The following DOCK1 variants were observed in gnomAD, a reference collection of about 807,000 sequenced individuals.
DOCK1 encodes the protein dedicator of cytokinesis 1, also known as dedicator of cytokinesis protein 1.
Under a neutral mutation model 262.7 loss-of-function variants are expected in DOCK1, and 138 were observed. That is an observed-to-expected ratio of 0.53 (90% CI 0.46 to 0.61). The LOEUF is 0.61. Ranked by LOEUF, DOCK1 falls within the 20% of genes least tolerant of loss-of-function variation. DOCK1 has a pLI of 0.00. For synonymous variants in DOCK1, 866 were observed against 867.4 expected, an observed-to-expected ratio of 1.00 and a Z score of 0.03; for missense variants, 1,908 against 2,370.7, an observed-to-expected ratio of 0.80 and a Z score of 4.05.
chr10:127,037,687 G>A (rs2043733246), intron 18 of DOCK1, 32 bp from the exon 19 acceptor site: 1 of 1,537,494 alleles, frequency 6.5e-7, no homozygotes, highest in African/African-American at 1.4e-5. Context: ...TTTCTTGCTT[G>A]TGAAGATCTG....
Position 126,905,459 on chromosome 10 carries a change from GA to G in DOCK1, c.-55del, listed in dbSNP as rs2030543232. On this transcript the variant is annotated 5_prime_UTR_variant, in exon 1 of 52. It adds an upstream start codon to the 5' untranslated region. Coordinates refer to ENST00000623213, the MANE Select transcript of DOCK1 (RefSeq NM_001290223.2). ...ATCCTGTCGCGGCTCGAAAGGAATG[GA>G]AAATGGCGGCCTAGACGCGGAGTTT... is the stretch of plus-strand genomic sequence containing the variant. 15 of 494,914 alleles carry G rather than the reference GA, an allele frequency of 3.0e-5. No individual in the cohort carries two copies. The highest frequency in any genetic ancestry group is 4.0e-5 in the East Asian group (1 of 25,126). The allele number at this position is 494,914 out of a possible 1,614,324, so 30.7% of individuals were successfully genotyped here.
At chr10:126,949,163 C>A (rs981944480) in intron 1 of DOCK1, among the ~76,000 whole-genome samples, 1 of 152,038 alleles carries the variant, frequency 6.6e-6, no homozygotes, top group African/African-American at 2.4e-5. Flanking sequence ...GTTTGCTGAT[C>A]CATCTCCATT....
intron 33 of DOCK1, among the ~76,000 whole-genome samples, chr10:127,363,430 C>T (rs2064708179): frequency 6.6e-6 from 1 of 152,074 alleles, no homozygotes; most frequent in African/African-American, 2.4e-5. Flanking sequence ...GATCACGCCA[C>T]TGCACTCCCG....
In DOCK1 at chr10:127,125,359, C is replaced by T. The variant is rs2049881538; in HGVS notation, c.2624-115C>T. 8 of 1,433,140 alleles carry T rather than the reference C, an allele frequency of 5.6e-6. No homozygotes were observed. The South Asian group carries it at 1.0e-4, about 18-fold the overall frequency. The allele number at this position is 1,433,140 out of a possible 1,614,324, so 88.8% of individuals were successfully genotyped here. A position where few individuals can be genotyped will look rare whatever the true frequency, so the allele number is the denominator to read the frequency against. ...ATTGACCCCCCTCCAGATGTCAGTT[C>T]CACGTGTTGCACAACGTGAATGCAA... is the stretch of plus-strand genomic sequence containing the variant. On this transcript the variant is annotated intron_variant, in intron 25 of 51. Coordinates refer to ENST00000623213, the MANE Select transcript of DOCK1 (RefSeq NM_001290223.2).
At chr10:127,346,468 C>T (rs1015272845) in intron 31 of DOCK1, among the ~76,000 whole-genome samples, 6 of 152,174 alleles carry the variant, frequency 3.9e-5, no homozygotes, top group African/African-American at 1.4e-4. Flanking sequence ...TGGTGGCGCG[C>T]ACCTGTGGTG....
chr10:127,328,884 A>G (rs2062856105), intron 29 of DOCK1, among the ~76,000 whole-genome samples: 1 of 152,002 alleles, frequency 6.6e-6, no homozygotes, highest in African/African-American at 2.4e-5. Flanking sequence ...GCAGTTTCTG[A>G]AACATGCCCT....
At chr10:127,295,356 C>T (rs944579535) in intron 29 of DOCK1, among the ~76,000 whole-genome samples, 3 of 152,068 alleles carry the variant, frequency 2.0e-5, no homozygotes, top group Non-Finnish European at 4.4e-5. Flanking sequence ...AACTATCAAA[C>T]CAGACCTCAC....
intron 29 of DOCK1, among the ~76,000 whole-genome samples, chr10:127,314,722 TC>T (rs953964947): frequency 6.6e-6 from 1 of 152,208 alleles, no homozygotes; most frequent in Non-Finnish European, 1.5e-5. Flanking sequence ...TTCATAGTCT[TC>T]CCAGACTTCT....
chr10:126,952,615 T>A (rs963005561), intron 1 of DOCK1, among the ~76,000 whole-genome samples: 3 of 151,906 alleles, frequency 2.0e-5, no homozygotes, highest in Non-Finnish European at 4.4e-5. Flanking sequence ...TTATTCTTGG[T>A]AGTATTGTTG....
intron 27 of DOCK1, chr10:127,136,513 T>A (rs1314920664): frequency 6.7e-6 from 1 of 149,914 alleles, no homozygotes; most frequent in Non-Finnish European, 1.5e-5. Context: ...AGATCCCTAC[T>A]TCCTATTGTG....
intron 29 of DOCK1, among the ~76,000 whole-genome samples, chr10:127,295,817 T>C (rs1017963117): frequency 6.6e-5 from 10 of 152,170 alleles, no homozygotes; most frequent in African/African-American, 2.4e-4. Context: ...GTAGCTATGA[T>C]ACATTAAGTT....
intron 29 of DOCK1, among the ~76,000 whole-genome samples, chr10:127,307,801 T>G (rs2061929784): frequency 6.6e-6 from 1 of 152,260 alleles, no homozygotes; most frequent in African/African-American, 2.4e-5. Flanking sequence ...CTCCTTGGTC[T>G]CTTGCCACCT....
intron 27 of DOCK1, among the ~76,000 whole-genome samples, chr10:127,156,757 G>A (rs1214479594): frequency 6.6e-6 from 1 of 151,628 alleles, no homozygotes; most frequent in Non-Finnish European, 1.5e-5. Flanking sequence ...TAGTAGAGAC[G>A]GGGTTTCTCT....
At chr10:126,960,772 ATACG>A (rs2037143103) in intron 1 of DOCK1, among the ~76,000 whole-genome samples, 1 of 136,482 alleles carries the variant, frequency 7.3e-6, no homozygotes, top group Non-Finnish European at 1.5e-5. Flanking sequence ...AGACACATAT[ATACG>A]TATATATGTG....
intron 2 of DOCK1, among the ~76,000 whole-genome samples, chr10:126,974,290 A>G (rs192944113): frequency 1.3e-5 from 2 of 152,296 alleles, no homozygotes; most frequent in Admixed American, 6.5e-5. Context: ...AGCTGCAGGC[A>G]TTGCCCAAAG....
chr10:127,254,693 G>A (rs1466987345), intron 28 of DOCK1, among the ~76,000 whole-genome samples: 1 of 152,204 alleles, frequency 6.6e-6, no homozygotes, highest in African/African-American at 2.4e-5. Context: ...TCATCGGATG[G>A]GTTGAAAATC....
intron 28 of DOCK1, among the ~76,000 whole-genome samples, chr10:127,249,025 G>C (rs915906145): frequency 6.6e-6 from 1 of 152,064 alleles, no homozygotes; most frequent in Non-Finnish European, 1.5e-5. Flanking sequence ...CCACCCCCTG[G>C]TCCATGGAAA....
At chr10:127,054,260 A>G (rs1323672521) in intron 22 of DOCK1, among the ~76,000 whole-genome samples, 1 of 152,250 alleles carries the variant, frequency 6.6e-6, no homozygotes, top group Non-Finnish European at 1.5e-5. Context: ...GTGTTGACCT[A>G]TCAGAGTCAT....
At chr10:127,423,052 A>T (rs1420502246) in intron 46 of DOCK1, among the ~76,000 whole-genome samples, 1 of 152,212 alleles carries the variant, frequency 6.6e-6, no homozygotes, top group East Asian at 1.9e-4. Flanking sequence ...TAACTTCATT[A>T]AATCAAAGAG....
Sources: gnomAD v4.1 joint callset for allele counts (sites outside exome capture counted in the v4.1 genomes callset) on GRCh38, gnomAD v4.1.1 for gene constraint, MANE v1.5 for transcripts, NCBI Gene and HGNC (gene_info 2026-07-23, HGNC 2026-07-21) for gene names.